The following FUT9 variants were observed in gnomAD, a reference collection of about 807,000 sequenced individuals.
FUT9 encodes the protein fucosyltransferase 9.
A neutral mutation model predicts 29.7 loss-of-function variants in FUT9; 15 were observed. The ratio of observed to expected loss-of-function variants is 0.51; its 90% confidence interval spans 0.34 to 0.78. FUT9 has a LOEUF of 0.78. FUT9 is among the 30% of genes least tolerant of loss of function. FUT9 has a pLI of 0.01. For synonymous variants in FUT9, 169 were observed against 153.7 expected (o/e 1.10, Z -0.74); for missense variants, 319 against 425.4 (o/e 0.75, Z 2.20).
chr6:96,110,828 T>TATTTATTTATTTATTA (rs1562128547), intron 1 of FUT9, among the ~76,000 whole-genome samples: 2 of 151,424 alleles, frequency 1.3e-5, no homozygotes, highest in East Asian at 3.9e-4. Context: ...TTTATTTATT[T>TATTTATTTATTTATTA]ATTTATTTAT....
chr6:96,016,113 C>A lies in FUT9; in HGVS notation c.-197C>A. The A allele has an allele frequency of 6.5e-6, 1 of 154,378 alleles. No individual in the cohort carries two copies. Among genetic ancestry groups the A allele is most frequent in the Non-Finnish European group, 1.4e-5 (1 of 69,770 alleles). The allele number at this position is 154,378 out of a possible 1,614,324, so 9.6% of individuals were successfully genotyped here. A position where few individuals can be genotyped will look rare whatever the true frequency, so the allele number is the denominator to read the frequency against. Reference sequence around the variant, plus strand: ...CCTCGGTGTCCCCCAGCCCCAGTCGCGCTCTTAGGACAGCGCCGCCACCGC... The same window carrying A: ...CCTCGGTGTCCCCCAGCCCCAGTCGAGCTCTTAGGACAGCGCCGCCACCGC... On this transcript the variant is annotated 5_prime_UTR_variant, in exon 1 of 3. Coordinates refer to ENST00000302103, the MANE Select transcript of FUT9 (RefSeq NM_006581.4).
chr6:96,094,325 C>G (rs538558040), intron 1 of FUT9, among the ~76,000 whole-genome samples: 1 of 152,226 alleles, frequency 6.6e-6, no homozygotes, highest in Non-Finnish European at 1.5e-5. Flanking sequence ...GTCACAGTAT[C>G]TCAGTGCTTA....
intron 2 of FUT9, among the ~76,000 whole-genome samples, chr6:96,121,121 G>A (rs188773471): frequency 3.4e-4 from 52 of 151,894 alleles, no homozygotes; most frequent in African/African-American, 1.1e-3. Flanking sequence ...GCTTTATTTT[G>A]GTAACTAAAA....
chr6:96,173,809 TCTG>T (rs1773156474), intron 2 of FUT9, among the ~76,000 whole-genome samples: 1 of 152,048 alleles, frequency 6.6e-6, no homozygotes, highest in Non-Finnish European at 1.5e-5. Context: ...TCTCCTAAGA[TCTG>T]CTGCTATCTT....
chr6:96,047,888 G>C (rs1770591979), intron 1 of FUT9, among the ~76,000 whole-genome samples: 1 of 152,154 alleles, frequency 6.6e-6, no homozygotes, highest in Admixed American at 6.6e-5. Flanking sequence ...GTAGCTTAAA[G>C]CAAGGTAAGC....
chr6:96,199,425 G>A (rs1773689269), intron 2 of FUT9, among the ~76,000 whole-genome samples: 1 of 151,978 alleles, frequency 6.6e-6, no homozygotes, highest in Non-Finnish European at 1.5e-5. Context: ...GAGGGGAGGG[G>A]GTGAGCAGAG....
At chr6:96,129,746 C>T (rs567156231) in intron 2 of FUT9, among the ~76,000 whole-genome samples, 37 of 151,922 alleles carry the variant, frequency 2.4e-4, no homozygotes, top group African/African-American at 8.7e-4. Flanking sequence ...TTTATATACA[C>T]TTGAATTATT....
intron 1 of FUT9, among the ~76,000 whole-genome samples, chr6:96,079,691 C>G (rs1344551221): frequency 6.6e-6 from 1 of 151,452 alleles, no homozygotes; most frequent in Non-Finnish European, 1.5e-5. Flanking sequence ...CAATATGTTT[C>G]TAGTGTAAAA....
intron 2 of FUT9, among the ~76,000 whole-genome samples, chr6:96,135,340 T>C (rs1189027121): frequency 2.0e-5 from 3 of 151,916 alleles, no homozygotes; most frequent in Non-Finnish European, 2.9e-5. Flanking sequence ...TTATTATTAT[T>C]TTGAACAATA....
chr6:96,092,891 G>T (rs1217347816), intron 1 of FUT9, among the ~76,000 whole-genome samples: 1 of 151,964 alleles, frequency 6.6e-6, no homozygotes, highest in Non-Finnish European at 1.5e-5. Flanking sequence ...CTCCTGAGTA[G>T]TTAGGACTTC....
At chr6:96,194,659 G>A (rs1039711185) in intron 2 of FUT9, among the ~76,000 whole-genome samples, 8 of 151,766 alleles carry the variant, frequency 5.3e-5, no homozygotes, top group Non-Finnish European at 1.0e-4. Flanking sequence ...CATTTATAAA[G>A]TCCAAAAGGC....
intron 2 of FUT9, among the ~76,000 whole-genome samples, chr6:96,190,470 G>C (rs551527179): frequency 4.9e-4 from 75 of 152,252 alleles, no homozygotes; most frequent in African/African-American, 1.8e-3. Flanking sequence ...CTAGGTTGGG[G>C]AAGTTCTCCT....
chr6:96,030,925 A>AG (rs1363528098), intron 1 of FUT9, among the ~76,000 whole-genome samples: 2 of 151,608 alleles, frequency 1.3e-5, no homozygotes, highest in Non-Finnish European at 3.0e-5. Context: ...TCGAAGGGTT[A>AG]GGGTGGGAAG....
chr6:96,083,548 C>T (rs1771271579), intron 1 of FUT9, among the ~76,000 whole-genome samples: 1 of 152,026 alleles, frequency 6.6e-6, no homozygotes, highest in Non-Finnish European at 1.5e-5. Context: ...TCTATTGCAT[C>T]TTTCTTGAGT....
intron 2 of FUT9, among the ~76,000 whole-genome samples, chr6:96,115,307 T>G (rs776002283): frequency 3.3e-5 from 5 of 152,228 alleles, no homozygotes; most frequent in Admixed American, 6.5e-5. Context: ...TTTTAACATA[T>G]GACTAATGTA....
At chr6:96,031,319 A>C (rs1770256436) in intron 1 of FUT9, among the ~76,000 whole-genome samples, 1 of 151,610 alleles carries the variant, frequency 6.6e-6, no homozygotes, top group South Asian at 2.1e-4. Context: ...TGAAATCTTT[A>C]TTAAATCCAA....
At chr6:96,066,059 A>G (rs4634465) in intron 1 of FUT9, among the ~76,000 whole-genome samples, 42,217 of 152,038 alleles carry the variant, frequency 0.28, 6,757 homozygotes, top group Admixed American at 0.38. Context: ...CTTGCCAGGT[A>G]TTTGTGCAGC....
At chr6:96,037,563 G>A (rs901507579) in intron 1 of FUT9, 5 of 151,900 alleles carry the variant, frequency 3.3e-5, no homozygotes, top group Non-Finnish European at 7.4e-5. Context: ...TGAAGTTGGG[G>A]AACAGCAAAT....
chr6:96,117,247 GTAAA>G (rs1422236316), intron 2 of FUT9, among the ~76,000 whole-genome samples: 2 of 152,104 alleles, frequency 1.3e-5, no homozygotes, highest in East Asian at 3.9e-4. Flanking sequence ...GAATGCATAA[GTAAA>G]TAAATTATAG....
Sources: gnomAD v4.1 joint callset for allele counts (sites outside exome capture counted in the v4.1 genomes callset) on GRCh38, gnomAD v4.1.1 for gene constraint, MANE v1.5 for transcripts, NCBI Gene and HGNC (gene_info 2026-07-23, HGNC 2026-07-21) for gene names.